The following TENM3 variants were observed in gnomAD, a reference collection of about 807,000 sequenced individuals.
TENM3 encodes teneurin transmembrane protein 3, also known as teneurin-3.
In TENM3, 63 loss-of-function variants were observed where a neutral mutation model predicts 255.1. The ratio of observed to expected loss-of-function variants is 0.25; its 90% CI spans 0.20 to 0.30. The LOEUF is 0.30. Ranked by LOEUF, TENM3 falls within the 10% of genes least tolerant of loss-of-function variation. The pLI is 1.00. For synonymous variants in TENM3, 1,306 were observed against 1,322.3 expected (o/e 0.99, Z 0.27); for missense variants, 2,929 against 3,461.1 (o/e 0.85, Z 3.86).
intron 1 of TENM3, among the ~76,000 whole-genome samples, chr4:182,265,029 G>A (rs1012384657): frequency 6.6e-6 from 1 of 151,632 alleles, no homozygotes; most frequent in African/African-American, 2.4e-5. Flanking sequence ...TGGTAGCCTG[G>A]GACTCCTTGA....
At chr4:181,934,155 T>C in the TENM3 span, among the ~76,000 whole-genome samples, 22 of 152,152 alleles carry the variant, frequency 1.4e-4, no homozygotes, top group African/African-American at 4.6e-4. Context: ...AAGAGTTTAA[T>C]GGACCTGATA....
At chr4:182,612,464 A>G (rs1014147090) in intron 4 of TENM3, among the ~76,000 whole-genome samples, 1 of 152,152 alleles carries the variant, frequency 6.6e-6, no homozygotes, top group Non-Finnish European at 1.5e-5. Context: ...GACTGAGTAT[A>G]GGTTCCACGA....
intron 3 of TENM3, among the ~76,000 whole-genome samples, chr4:182,412,681 C>T (rs1770076118): frequency 6.6e-6 from 1 of 151,712 alleles, no homozygotes; most frequent in Non-Finnish European, 1.5e-5. Context: ...CTGGCCAATA[C>T]AGTGAAACCC....
At chr4:181,568,841 T>C in the TENM3 span, among the ~76,000 whole-genome samples, 1 of 152,108 alleles carries the variant, frequency 6.6e-6, no homozygotes, top group Non-Finnish European at 1.5e-5. Context: ...AGGGCACACA[T>C]AGGTCATGCC....
At chr4:182,519,346 C>G (rs1278795195) in intron 3 of TENM3, among the ~76,000 whole-genome samples, 3 of 152,110 alleles carry the variant, frequency 2.0e-5, no homozygotes, top group African/African-American at 7.2e-5. Flanking sequence ...ATTTATATCT[C>G]TGTTGGAAAG....
rs78578722 is a variant in TENM3, at chr4:182,603,006, G to A, written c.749+1845G>A. ...ACAAAAGCCTCAAAAACTGTCAGTAGGAGAGTTAGCATTCCGTGAAACCAT... is the reference window on the plus strand; with the variant it reads ...ACAAAAGCCTCAAAAACTGTCAGTAAGAGAGTTAGCATTCCGTGAAACCAT... On this transcript the variant is annotated intron_variant, in intron 4 of 27. Coordinates refer to ENST00000511685, the MANE Select transcript of TENM3 (RefSeq NM_001080477.4). Among the ~76,000 whole-genome samples the A allele has an allele frequency of 8.2e-3, 1,250 of 152,274 alleles. 12 individuals are homozygous for A. The highest frequency in any genetic ancestry group is 0.012 in the Non-Finnish European group (812 of 68,002).
chr4:182,393,928 C>T (rs1768620243), intron 3 of TENM3, among the ~76,000 whole-genome samples: 1 of 152,070 alleles, frequency 6.6e-6, no homozygotes, highest in East Asian at 1.9e-4. Flanking sequence ...TATGACATAC[C>T]AGTCATTTAG....
At chr4:181,454,138 G>T in the TENM3 span, among the ~76,000 whole-genome samples, 1 of 152,080 alleles carries the variant, frequency 6.6e-6, no homozygotes, top group Non-Finnish European at 1.5e-5. Flanking sequence ...TTAATGTCAT[G>T]GAACTCATAT....
the TENM3 span, among the ~76,000 whole-genome samples, chr4:181,688,372 C>CA: frequency 6.6e-6 from 1 of 151,984 alleles, no homozygotes; most frequent in African/African-American, 2.4e-5. Context: ...TTTTTTATAG[C>CA]AATAGTAACT....
chr4:182,297,184 A>G (rs1413828570), intron 1 of TENM3, among the ~76,000 whole-genome samples: 2 of 152,128 alleles, frequency 1.3e-5, no homozygotes, highest in African/African-American at 2.4e-5. Context: ...GAGAACTCAA[A>G]TTCCCATCAT....
chr4:182,657,680 G>A (rs527608368), intron 6 of TENM3, among the ~76,000 whole-genome samples: 2 of 151,970 alleles, frequency 1.3e-5, no homozygotes, highest in South Asian at 2.1e-4. Context: ...TTGAGACAGG[G>A]TCTCACTCTG....
intron 3 of TENM3, among the ~76,000 whole-genome samples, chr4:182,484,722 A>G (rs1219056712): frequency 2.0e-5 from 3 of 152,156 alleles, no homozygotes; most frequent in Non-Finnish European, 4.4e-5. Context: ...AGTTATGCAA[A>G]TTGGTCCTTC....
the TENM3 span, among the ~76,000 whole-genome samples, chr4:182,043,566 A>G: frequency 8.5e-5 from 13 of 152,218 alleles, 1 homozygote; most frequent in Admixed American, 8.5e-4. Context: ...GTGAATCATT[A>G]CACAAGCATA....
At chr4:182,785,150 C>T (rs944735448) in intron 24 of TENM3, among the ~76,000 whole-genome samples, 4 of 151,884 alleles carry the variant, frequency 2.6e-5, no homozygotes, top group Non-Finnish European at 5.9e-5. Flanking sequence ...GATCTTGGCT[C>T]ACTGCAGCCT....
the TENM3 span, among the ~76,000 whole-genome samples, chr4:181,917,663 C>CTTT: frequency 6.8e-3 from 866 of 127,436 alleles, 10 homozygotes; most frequent in African/African-American, 0.024. Flanking sequence ...TTTTTTTTTT[C>CTTT]TTTTTTTTTT....
At chr4:181,879,337 G>T in the TENM3 span, among the ~76,000 whole-genome samples, 73 of 152,024 alleles carry the variant, frequency 4.8e-4, no homozygotes, top group Non-Finnish European at 9.1e-4. Context: ...ATGGAAAAAA[G>T]AAATTCTCTG....
At chr4:181,821,167 T>A in the TENM3 span, among the ~76,000 whole-genome samples, 1 of 152,138 alleles carries the variant, frequency 6.6e-6, no homozygotes, top group Non-Finnish European at 1.5e-5. Context: ...CTGACTTCCC[T>A]CTGGTCTTTG....
chr4:182,752,062 T>A, intron 20 of TENM3, 30 bp downstream of exon 20: 9 of 1,273,390 alleles, frequency 7.1e-6, no homozygotes, highest in Middle Eastern at 2.7e-4. Context: ...TGAGGATTTC[T>A]TTTTATTTAT....
chr4:182,051,398 G>A, the TENM3 span, among the ~76,000 whole-genome samples: 1 of 131,510 alleles, frequency 7.6e-6, no homozygotes, highest in Non-Finnish European at 1.6e-5. Context: ...TTTTTTTGGA[G>A]ATGGAGTCTT....
Sources: allele counts gnomAD v4.1 joint callset (sites outside exome capture counted in the v4.1 genomes callset), GRCh38; gene constraint gnomAD v4.1.1; transcripts MANE v1.5; gene names NCBI Gene and HGNC (gene_info 2026-07-23, HGNC 2026-07-21).